The following DCDC2C variants were observed in gnomAD, a reference collection of about 807,000 sequenced individuals.
DCDC2C encodes doublecortin domain containing 2C, also known as doublecortin domain-containing protein 2C.
In DCDC2C, 44 loss-of-function variants were observed where a neutral mutation model predicts 45.0. That is an observed-to-expected ratio of 0.98 (90% CI 0.77 to 1.26). DCDC2C has a LOEUF of 1.26. DCDC2C is among the 50% of genes most tolerant of loss of function. The pLI, the probability that DCDC2C is intolerant of heterozygous loss-of-function variation, is 0.00. For synonymous variants in DCDC2C, 187 were observed against 178.8 expected, an observed-to-expected ratio of 1.05 and a Z score of -0.37; for missense variants, 447 against 468.9, an observed-to-expected ratio of 0.95 and a Z score of 0.43.
intron 10 of DCDC2C, among the ~76,000 whole-genome samples, chr2:3,794,861 G>C (rs898173161): frequency 1.3e-5 from 2 of 151,684 alleles, no homozygotes; most frequent in Admixed American, 6.6e-5. Flanking sequence ...ATGATTTATA[G>C]TCCTTTGGGT....
At chr2:3,809,508 A>G (rs1671336656) in intron 10 of DCDC2C, among the ~76,000 whole-genome samples, 1 of 152,164 alleles carries the variant, frequency 6.6e-6, no homozygotes, top group South Asian at 2.1e-4. Flanking sequence ...TAAAATTTAC[A>G]TTTCCTATTG....
chr2:3,755,497 A>G (rs879332706), intron 6 of DCDC2C, among the ~76,000 whole-genome samples: 1 of 152,010 alleles, frequency 6.6e-6, no homozygotes, highest in Non-Finnish European at 1.5e-5. Flanking sequence ...ACACAGGAGT[A>G]CACGTGTGTA....
At chr2:3,842,966 G>A (rs1051974109) in intron 10 of DCDC2C, among the ~76,000 whole-genome samples, 1 of 152,100 alleles carries the variant, frequency 6.6e-6, no homozygotes, top group Non-Finnish European at 1.5e-5. Flanking sequence ...ACACAGTCTC[G>A]GGCAGGTCCA....
chr2:3,812,670 G>A (rs1671428986), intron 10 of DCDC2C, among the ~76,000 whole-genome samples: 3 of 152,114 alleles, frequency 2.0e-5, no homozygotes, highest in Non-Finnish European at 4.4e-5. Context: ...TAACTGTGAT[G>A]TTAGGGTATC....
chr2:3,819,822 G>A (rs1248371069), intron 10 of DCDC2C, among the ~76,000 whole-genome samples: 19 of 152,316 alleles, frequency 1.2e-4, no homozygotes, highest in Admixed American at 1.2e-3. Flanking sequence ...AGAGGAAATT[G>A]TTGGGCAGGT....
intron 4 of DCDC2C, among the ~76,000 whole-genome samples, chr2:3,746,841 TGAA>T (rs968000352): frequency 1.2e-4 from 18 of 152,062 alleles, no homozygotes; most frequent in South Asian, 2.1e-4. Context: ...TGAGAGGAGT[TGAA>T]GAAGAAGGCT....
At chr2:3,753,015 G>A (rs1034812817) in intron 5 of DCDC2C, 115 bp downstream of exon 5, 2 of 1,178,976 alleles carry the variant, frequency 1.7e-6, no homozygotes, top group African/African-American at 1.5e-5. Context: ...GTAGTGAAAT[G>A]TAATATTCTT....
At chr2:3,802,669 T>A (rs1408144026) in intron 10 of DCDC2C, among the ~76,000 whole-genome samples, 1 of 152,202 alleles carries the variant, frequency 6.6e-6, no homozygotes, top group East Asian at 1.9e-4. Flanking sequence ...CTCTGGGGTC[T>A]CTTCTAGAAG....
At chr2:3,791,372 A>G (rs1043706229) in intron 10 of DCDC2C, among the ~76,000 whole-genome samples, 3 of 152,180 alleles carry the variant, frequency 2.0e-5, no homozygotes, top group African/African-American at 7.2e-5. Flanking sequence ...AGCGTTTTAT[A>G]AGAGACAGTC....
intron 8 of DCDC2C, among the ~76,000 whole-genome samples, chr2:3,772,423 C>T (rs755053317): frequency 1.2e-4 from 18 of 152,214 alleles, no homozygotes; most frequent in Non-Finnish European, 2.5e-4. Context: ...ACTTTGACTC[C>T]GCAGCCCCCT....
In DCDC2C at chr2:3,705,766, T is replaced by A. The variant is rs1235536734; in HGVS notation, c.287+1728T>A. ...GAGTCTCATGGTTTATTTAAAATGT[T>A]TTGGACATGTAGCAAAAATATTGAG... On this transcript the variant is annotated intron_variant, in intron 1 of 10. Transcript: ENST00000399143. 3.9e-5 allele frequency among the ~76,000 whole-genome samples: 6 copies of A among 152,212 alleles called. No individual in the cohort carries two copies. In the South Asian group the frequency reaches 1.0e-3, roughly 26 times the overall value.
At chr2:3,794,054 C>G (rs1670892032) in intron 10 of DCDC2C, among the ~76,000 whole-genome samples, 1 of 152,108 alleles carries the variant, frequency 6.6e-6, no homozygotes, top group Non-Finnish European at 1.5e-5. Context: ...GAATCAGAAC[C>G]CATATCAATG....
chr2:3,722,938 G>A (rs1668538016), intron 2 of DCDC2C, among the ~76,000 whole-genome samples: 1 of 152,154 alleles, frequency 6.6e-6, no homozygotes, highest in African/African-American at 2.4e-5. Context: ...GTAAATTCAT[G>A]TTCATTGTTG....
intron 6 of DCDC2C, among the ~76,000 whole-genome samples, chr2:3,759,191 G>A (rs1303041728): frequency 2.0e-5 from 3 of 152,116 alleles, no homozygotes; most frequent in Non-Finnish European, 4.4e-5. Context: ...CCTTTGACTC[G>A]GAGTCAAAAA....
intron 10 of DCDC2C, among the ~76,000 whole-genome samples, chr2:3,814,368 A>G (rs1293995956): frequency 6.6e-6 from 1 of 152,168 alleles, no homozygotes; most frequent in Non-Finnish European, 1.5e-5. Context: ...TTTCAGCTCC[A>G]TCCTGTTGTT....
intron 10 of DCDC2C, among the ~76,000 whole-genome samples, chr2:3,828,003 T>C (rs13404981): frequency 0.02 from 3,031 of 152,312 alleles, 94 homozygotes; most frequent in African/African-American, 0.07. Context: ...ACCTCTTTTC[T>C]CCTTTCAGCC....
rs199658274 is a variant in DCDC2C at position 3,795,997 on chromosome 2, G to T, written c.1065+10897G>T. On this transcript the variant is annotated intron_variant, in intron 10 of 10. Transcript: ENST00000399143. The stretch of plus-strand genomic sequence containing the variant: ...TCACGATATTGATTCTTCCTACCCA[G>T]GAGCATGGAATGTTCTTCCATTTGT... 2.1e-4 allele frequency among the ~76,000 whole-genome samples: 22 copies of T among 106,160 alleles called. 2 individuals are homozygous for T. The highest frequency in any genetic ancestry group is 3.7e-4 in the Admixed American group (4 of 10,808). 69.6% of individuals were successfully genotyped at this position (106,160 alleles called of 152,430 possible).
At chr2:3,835,067 TA>T (rs1483830415) in intron 10 of DCDC2C, among the ~76,000 whole-genome samples, 2 of 152,194 alleles carry the variant, frequency 1.3e-5, no homozygotes, top group Non-Finnish European at 2.9e-5. Context: ...AAGCTTCCAT[TA>T]TTCCCATAAA....
At chr2:3,752,655 C>G in intron 4 of DCDC2C, 108 bp from the exon 5 acceptor site, 2 of 1,327,920 alleles carry the variant, frequency 1.5e-6, no homozygotes, top group Non-Finnish European at 2.1e-6. Flanking sequence ...AGCACTGTTT[C>G]TCCAGCGGTC....
Sources: allele counts gnomAD v4.1 joint callset (sites outside exome capture counted in the v4.1 genomes callset), GRCh38; gene constraint gnomAD v4.1.1; transcripts MANE v1.5; gene names NCBI Gene and HGNC (gene_info 2026-07-23, HGNC 2026-07-21).